ITGBL1: variants seen among roughly 807,000 people sequenced by gnomAD.
ITGBL1 encodes the protein integrin beta-like protein 1.
ITGBL1 carries 51 observed loss-of-function variants against 68.5 expected under a neutral mutation model. The ratio of observed to expected loss-of-function variants is 0.74; its 90% CI spans 0.59 to 0.94. The LOEUF (loss-of-function observed/expected upper bound fraction) is 0.94, where lower values mean the gene tolerates loss of function less well. Ranked by LOEUF, ITGBL1 falls within the 40% of genes least tolerant of loss-of-function variation. The pLI, the probability that ITGBL1 is intolerant of heterozygous loss-of-function variation, is 0.00. For missense variants in ITGBL1, 649 were observed against 647.4 expected (o/e 1.00, Z -0.03); for synonymous variants, 209 against 227.3 (o/e 0.92, Z 0.72).
chr13:101,527,082 T>A (rs1018794444), intron 2 of ITGBL1, among the ~76,000 whole-genome samples: 2 of 152,118 alleles, frequency 1.3e-5, no homozygotes, highest in East Asian at 1.9e-4. Flanking sequence ...GTCTCTTTTT[T>A]AAAAAATCAC....
chr13:101,573,247 A>G (rs958920415), intron 3 of ITGBL1, among the ~76,000 whole-genome samples: 9 of 152,184 alleles, frequency 5.9e-5, no homozygotes, highest in Non-Finnish European at 1.2e-4. Flanking sequence ...ATTAGATTTC[A>G]AATTACTTTT....
At chr13:101,496,252 A>G (rs1168786224) in intron 2 of ITGBL1, among the ~76,000 whole-genome samples, 1 of 152,208 alleles carries the variant, frequency 6.6e-6, no homozygotes, top group East Asian at 1.9e-4. Context: ...GCTAGTGTTC[A>G]GCAGGGACAC....
At chr13:101,469,434 C>T (rs2139638927) in intron 2 of ITGBL1, among the ~76,000 whole-genome samples, 1 of 152,342 alleles carries the variant, frequency 6.6e-6, no homozygotes, top group South Asian at 2.1e-4. Flanking sequence ...GTAGTCCCAG[C>T]ACTTAGGGAG....
chr13:101,684,818 AATT>A (rs983084792), intron 7 of ITGBL1, among the ~76,000 whole-genome samples: 17 of 151,904 alleles, frequency 1.1e-4, no homozygotes, highest in African/African-American at 4.1e-4. Flanking sequence ...AGCACCAACC[AATT>A]ATTATTATTA....
chr13:101,664,590 T>C (rs1046353082), intron 7 of ITGBL1, among the ~76,000 whole-genome samples: 6 of 152,344 alleles, frequency 3.9e-5, no homozygotes, highest in African/African-American at 1.4e-4. Context: ...GATCAATTTA[T>C]TGAAAAATAA....
At chr13:101,714,383 A>T in intron 9 of ITGBL1, 55 bp from the exon 10 acceptor site, 1 of 997,904 alleles carries the variant, frequency 1.0e-6, no homozygotes, top group Non-Finnish European at 1.6e-6. Context: ...ATTCTATTCG[A>T]GATGGAAACC....
intron 2 of ITGBL1, among the ~76,000 whole-genome samples, chr13:101,491,331 A>G (rs2048773400): frequency 6.6e-6 from 1 of 152,124 alleles, no homozygotes; most frequent in Admixed American, 6.5e-5. Context: ...TGCAAAACTT[A>G]CCCTATAAAG....
Position 101,483,715 on chromosome 13 carries a change from TC to T in ITGBL1, c.316+29617del, listed in dbSNP as rs1464376671. ...ATGTTTTTCTAAAATTCAATTTTTT[TC>T]CTTCTTAATATAAAAATTGTCCTTA... On this transcript the variant is annotated intron_variant, in intron 2 of 10. Coordinates refer to ENST00000376180, the MANE Select transcript of ITGBL1 (RefSeq NM_004791.3). Among the ~76,000 whole-genome samples, 11 of 152,354 alleles carry T rather than the reference TC, an allele frequency of 7.2e-5. No homozygotes were observed. The South Asian group carries it at 2.3e-3, about 32-fold the overall frequency.
rs574677817 is a variant in ITGBL1 at position 101,477,320 on chromosome 13, A to G, written c.316+23220A>G. Among the ~76,000 whole-genome samples, 5 of 152,142 alleles carry G rather than the reference A, an allele frequency of 3.3e-5. No homozygotes were observed. In the South Asian group the frequency reaches 8.3e-4, roughly 25 times the overall value. On this transcript the variant is annotated intron_variant, in intron 2 of 10. Coordinates refer to ENST00000376180, the MANE Select transcript of ITGBL1 (RefSeq NM_004791.3). ...ATGGAAAGACTACATACCCAAACCT[A>G]TGGAATACAATGAAAACAATACTAA...
intron 2 of ITGBL1, among the ~76,000 whole-genome samples, chr13:101,490,366 C>G (rs1399273755): frequency 2.6e-5 from 4 of 152,130 alleles, no homozygotes; most frequent in Non-Finnish European, 5.9e-5. Flanking sequence ...GTTTAAGCCA[C>G]CTTTTTATGG....
intron 7 of ITGBL1, among the ~76,000 whole-genome samples, chr13:101,660,308 G>T (rs550494118): frequency 1.1e-3 from 170 of 152,244 alleles, no homozygotes; most frequent in Non-Finnish European, 8.2e-4. Flanking sequence ...GGTCAGAGAT[G>T]AAATCATAGG....
chr13:101,453,420 CTT>C (rs2048191377), intron 1 of ITGBL1, among the ~76,000 whole-genome samples: 1 of 152,102 alleles, frequency 6.6e-6, no homozygotes. Context: ...ATGTCTAACT[CTT>C]TCTATAGATT....
At chr13:101,709,016 G>A (rs1455111041) in intron 9 of ITGBL1, among the ~76,000 whole-genome samples, 3 of 152,186 alleles carry the variant, frequency 2.0e-5, no homozygotes, top group Admixed American at 6.5e-5. Flanking sequence ...CCAAAAAGAA[G>A]GAAAGGTTAA....
chr13:101,648,834 G>C (rs1017146587), intron 7 of ITGBL1, among the ~76,000 whole-genome samples: 11 of 151,922 alleles, frequency 7.2e-5, no homozygotes, highest in Admixed American at 5.3e-4. Context: ...GTTGGTGGGG[G>C]ACAGAAGAGG....
intron 2 of ITGBL1, among the ~76,000 whole-genome samples, chr13:101,464,394 C>T (rs532378749): frequency 6.6e-6 from 1 of 151,870 alleles, no homozygotes; most frequent in African/African-American, 2.4e-5. Context: ...TGGCTTGTAC[C>T]CCAAGTGTTG....
At chr13:101,633,716 C>T (rs1459809555) in intron 7 of ITGBL1, among the ~76,000 whole-genome samples, 1 of 152,052 alleles carries the variant, frequency 6.6e-6, no homozygotes, top group African/African-American at 2.4e-5. Context: ...GTAACCTGAG[C>T]AAGAAATAAA....
chr13:101,483,126 T>C (rs954740300), intron 2 of ITGBL1, among the ~76,000 whole-genome samples: 1 of 152,178 alleles, frequency 6.6e-6, no homozygotes, highest in Non-Finnish European at 1.5e-5. Flanking sequence ...ACACCCAGGC[T>C]TCACATGGTG....
At chr13:101,592,413 C>G (rs1035400531) in intron 6 of ITGBL1, among the ~76,000 whole-genome samples, 1 of 151,870 alleles carries the variant, frequency 6.6e-6, no homozygotes, top group Admixed American at 6.6e-5. Context: ...TATCTGCGGT[C>G]GTGTCAAAAA....
chr13:101,702,317 T>G (rs1217754835), intron 8 of ITGBL1, among the ~76,000 whole-genome samples: 1 of 152,194 alleles, frequency 6.6e-6, no homozygotes, highest in East Asian at 1.9e-4. Flanking sequence ...AACTTTTGTT[T>G]TATTGATTTT....
Sources: allele counts gnomAD v4.1 joint callset (sites outside exome capture counted in the v4.1 genomes callset), GRCh38; gene constraint gnomAD v4.1.1; transcripts MANE v1.5; gene names NCBI Gene and HGNC (gene_info 2026-07-23, HGNC 2026-07-21).